PDE10A: variants seen among roughly 807,000 people sequenced by gnomAD.
PDE10A encodes the protein phosphodiesterase 10A, also known as cAMP and cAMP-inhibited cGMP 3',5'-cyclic phosphodiesterase 10A.
A neutral mutation model predicts 97.7 loss-of-function variants in PDE10A; 39 were observed. The ratio of observed to expected loss-of-function variants is 0.40; its 90% CI spans 0.31 to 0.52. The LOEUF is 0.52. PDE10A is among the 20% of genes least tolerant of loss of function. The pLI is 0.56. For missense variants in PDE10A, 731 were observed against 1,047.8 expected (o/e 0.70, Z 4.17); for synonymous variants, 371 against 376.8 (o/e 0.98, Z 0.18).
rs1790272860 is a variant in PDE10A, at chr6:165,661,691, C to G, written c.865+256G>C. 2 of 435,444 alleles carry G rather than the reference C, an allele frequency of 4.6e-6. No individual in the cohort carries two copies. Among genetic ancestry groups the G allele is most frequent in the Non-Finnish European group, 8.0e-6 (2 of 248,980 alleles). 27.0% of individuals were successfully genotyped at this position (435,444 alleles called of 1,614,324 possible). Reference sequence around the variant, plus strand: ...CCGCTCGCAACGTCCAAGCTCCCGCCGCCCTCCCGAGCCGCCCTTCCCCCG... The same window carrying G: ...CCGCTCGCAACGTCCAAGCTCCCGCGGCCCTCCCGAGCCGCCCTTCCCCCG... On this transcript the variant is annotated intron_variant, in intron 1 of 21. Transcript: ENST00000539869. The surrounding 1 kb of genome is among the most constrained non-coding windows in gnomAD (Gnocchi z 4.8).
intron 1 of PDE10A, among the ~76,000 whole-genome samples, chr6:165,945,628 C>T (rs1045289249): frequency 3.3e-5 from 5 of 152,158 alleles, no homozygotes; most frequent in East Asian, 1.9e-4. Context: ...AAACACAGCA[C>T]GGAGGTGCCA....
intron 1 of PDE10A, among the ~76,000 whole-genome samples, chr6:165,616,451 G>A (rs1214797951): frequency 6.6e-6 from 1 of 152,140 alleles, no homozygotes; most frequent in Admixed American, 6.5e-5. Flanking sequence ...TCAAGTAGCT[G>A]TCACTCCTTT....
At chr6:165,871,176 C>T (rs375856848) in intron 1 of PDE10A, among the ~76,000 whole-genome samples, 60 of 152,100 alleles carry the variant, frequency 3.9e-4, no homozygotes, top group South Asian at 2.1e-3. Flanking sequence ...ACACAGCGTA[C>T]GCATGTATTG....
intron 1 of PDE10A, among the ~76,000 whole-genome samples, chr6:165,544,061 G>A (rs183899114): frequency 6.6e-6 from 1 of 152,220 alleles, no homozygotes; most frequent in Non-Finnish European, 1.5e-5. Context: ...TCGGTATATA[G>A]TTACCACAGA....
At chr6:165,762,747 A>G (rs932196498) in intron 1 of PDE10A, among the ~76,000 whole-genome samples, 1 of 152,096 alleles carries the variant, frequency 6.6e-6, no homozygotes, top group African/African-American at 2.4e-5. Context: ...CTAACAAACA[A>G]TTGTTCACTT....
intron 1 of PDE10A, among the ~76,000 whole-genome samples, chr6:165,584,113 GT>G (rs1030112583): frequency 1.3e-5 from 2 of 152,154 alleles, no homozygotes; most frequent in African/African-American, 4.8e-5. Context: ...GGCCCAAATC[GT>G]CTGTGTGATC....
At chr6:165,764,448 T>G (rs1777756154) in intron 1 of PDE10A, among the ~76,000 whole-genome samples, 1 of 152,026 alleles carries the variant, frequency 6.6e-6, no homozygotes, top group African/African-American at 2.4e-5. Flanking sequence ...CCGGAATTGG[T>G]GGGTTCTTGG....
intron 1 of PDE10A, among the ~76,000 whole-genome samples, chr6:165,839,866 T>C (rs918297823): frequency 4.0e-5 from 3 of 75,792 alleles, no homozygotes; most frequent in African/African-American, 9.6e-5. Flanking sequence ...CCTGTCTCCA[T>C]TCCCATCTGC....
At chr6:165,779,862 G>T (rs1326363899) in intron 1 of PDE10A, among the ~76,000 whole-genome samples, 1 of 152,046 alleles carries the variant, frequency 6.6e-6, no homozygotes, top group Non-Finnish European at 1.5e-5. Flanking sequence ...CCTCAGGTTT[G>T]CCAGGGAAGC....
chr6:165,710,333 GA>G (rs1791863133), intron 1 of PDE10A, among the ~76,000 whole-genome samples: 1 of 152,174 alleles, frequency 6.6e-6, no homozygotes, highest in African/African-American at 2.4e-5. Flanking sequence ...CATATTTGTA[GA>G]AGAATGAACC....
chr6:165,846,135 C>T (rs950889944), intron 1 of PDE10A, among the ~76,000 whole-genome samples: 6 of 152,178 alleles, frequency 3.9e-5, no homozygotes, highest in African/African-American at 1.4e-4. Context: ...CTCTTCGTGC[C>T]TTGCAGGTCA....
At chr6:165,767,363 AATCATCACC>A in intron 1 of PDE10A, among the ~76,000 whole-genome samples, 2 of 152,204 alleles carry the variant, frequency 1.3e-5, no homozygotes, top group African/African-American at 4.8e-5. Context: ...AAGGTTGTGC[AATCATCACC>A]ACTCTGTAAT....
chr6:165,709,401 G>A lies in PDE10A; in HGVS notation c.-614-165833C>T, dbSNP rs375638051. Among the ~76,000 whole-genome samples, 5 of 112,602 alleles carry A rather than the reference G, an allele frequency of 4.4e-5. 1 individual carries two copies. The highest frequency in any genetic ancestry group is 1.1e-4 in the African/African-American group (3 of 28,380). The allele number at this position is 112,602 out of a possible 152,430, so 73.9% of individuals were successfully genotyped here. A position where few individuals can be genotyped will look rare whatever the true frequency, so the allele number is the denominator to read the frequency against. ...GTACCCTCCACCACCATGCTGCCGC[G>A]CTCCCTCCACTCTCCACCCCCATGT... On this transcript the variant is annotated intron_variant, in intron 1 of 19. Coordinates refer to the PDE10A transcript ENST00000366882.
intron 5 of PDE10A, among the ~76,000 whole-genome samples, chr6:165,442,252 C>A (rs541961124): frequency 6.6e-6 from 1 of 152,234 alleles, no homozygotes; most frequent in African/African-American, 2.4e-5. Flanking sequence ...ATCAACTCGT[C>A]ATTTAGCATT....
intron 1 of PDE10A, among the ~76,000 whole-genome samples, chr6:165,658,485 A>T (rs1261675376): frequency 6.6e-6 from 1 of 152,158 alleles, no homozygotes; most frequent in Admixed American, 6.5e-5. Flanking sequence ...AGGGAAACAC[A>T]AACAGAGAGA....
At chr6:165,737,903 C>T (rs1048385193) in intron 1 of PDE10A, among the ~76,000 whole-genome samples, 1 of 152,034 alleles carries the variant, frequency 6.6e-6, no homozygotes, top group East Asian at 1.9e-4. Context: ...TAAAGAAAAC[C>T]CTAAAGACTA....
At chr6:165,905,274 A>C (rs553855610) in intron 1 of PDE10A, among the ~76,000 whole-genome samples, 1 of 152,354 alleles carries the variant, frequency 6.6e-6, no homozygotes, top group East Asian at 1.9e-4. Context: ...ATCATAAATA[A>C]ATGAAATTTT....
At chr6:165,602,521 A>C (rs2128396117) in intron 1 of PDE10A, among the ~76,000 whole-genome samples, 1 of 152,312 alleles carries the variant, frequency 6.6e-6, no homozygotes, top group African/African-American at 2.4e-5. Flanking sequence ...TATACCATGA[A>C]GCTATATACC....
chr6:165,812,001 C>T (rs1422065152), intron 1 of PDE10A, among the ~76,000 whole-genome samples: 7 of 152,196 alleles, frequency 4.6e-5, no homozygotes, highest in East Asian at 1.9e-4. Context: ...TACAGGCACA[C>T]GCCACCATGC....
Sources: allele counts gnomAD v4.1 joint callset (sites outside exome capture counted in the v4.1 genomes callset), GRCh38; gene constraint gnomAD v4.1.1; non-coding constraint Gnocchi (gnomAD v3.1); transcripts MANE v1.5; gene names NCBI Gene and HGNC (gene_info 2026-07-23, HGNC 2026-07-21).